Variants in ITGB3BP observed in about 807,000 individuals in gnomAD.
The protein encoded by ITGB3BP is centromere protein R.
In ITGB3BP, 27 loss-of-function variants were observed where a neutral mutation model predicts 29.1. The observed-to-expected ratio is 0.93, with a 90% CI of 0.68 to 1.28. The LOEUF is 1.28. ITGB3BP is among the 50% of genes most tolerant of loss of function. ITGB3BP has a pLI of 0.00. For missense variants in ITGB3BP, 192 were observed against 200.2 expected (o/e 0.96, Z 0.25); for synonymous variants, 61 against 61.4 (o/e 0.99, Z 0.03).
chr1:63,457,058 A>G (rs1179331957), intron 4 of ITGB3BP: 1 of 152,140 alleles, frequency 6.6e-6, no homozygotes, highest in Non-Finnish European at 1.5e-5. Flanking sequence ...ACTAGTAGAC[A>G]TGCCATTGCT....
At position 63,523,111 on chromosome 1, in the gene ITGB3BP, TG is replaced by T. The variant is rs1646499847; in HGVS notation, c.5+17del. ...AGAGGGCCCCCAAAACAGCAATACC[TG>T]GGGAGGAGATACCTACGGCATTCTG... On this transcript the variant is annotated intron_variant, in intron 1 of 8. Coordinates refer to ENST00000271002, the MANE Select transcript of ITGB3BP (RefSeq NM_014288.5). 6.2e-7 allele frequency: 1 copy of T among 1,613,884 alleles called. No individual in the cohort carries two copies.
At chr1:63,473,485 C>A (rs778225647) in intron 4 of ITGB3BP, among the ~76,000 whole-genome samples, 13,845 of 134,408 alleles carry the variant, frequency 0.1, 678 homozygotes, top group Middle Eastern at 0.16. Flanking sequence ...GGGGGTCAGC[C>A]CCCCGCCCGG....
chr1:63,516,761 A>G (rs1327989695), intron 1 of ITGB3BP, among the ~76,000 whole-genome samples: 1 of 151,874 alleles, frequency 6.6e-6, no homozygotes, highest in African/African-American at 2.4e-5. Flanking sequence ...CAAATACCAC[A>G]TGTTCTCATC....
chr1:63,454,326 A>T lies in ITGB3BP; in HGVS notation c.427+54T>A. ...AAGTCTATCAAATGTAAATGAGACA[A>T]ATTAATAGGTTTATCTTTAAAATTA... On this transcript the variant is annotated intron_variant, in intron 6 of 8. Transcript: ENST00000271002. The surrounding 1 kb of genome is among the most constrained non-coding windows in gnomAD (Gnocchi z 4.1). The T allele has an allele frequency of 2.3e-6, 2 of 887,316 alleles. No homozygotes were observed. The highest frequency in any genetic ancestry group is 3.6e-6 in the Non-Finnish European group (2 of 549,734). 55.0% of individuals were successfully genotyped at this position (887,316 alleles called of 1,614,324 possible). A position where few individuals can be genotyped will look rare whatever the true frequency, so the allele number is the denominator to read the frequency against.
intron 7 of ITGB3BP, chr1:63,449,338 T>C (rs1255787716): frequency 6.6e-6 from 1 of 152,526 alleles, no homozygotes; most frequent in East Asian, 1.9e-4. Context: ...CTAATTGCTA[T>C]TAAGTGAGTC....
In ITGB3BP at chr1:63,455,523, C is replaced by A. The variant is rs369718990; in HGVS notation, c.255-555G>T. ...GCAGTGGTGTGATCATGGCTCACTG[C>A]AGCCTCAACCTCCTGGGTTCAATCG... On this transcript the variant is annotated intron_variant, in intron 4 of 8. Coordinates refer to ENST00000271002, the MANE Select transcript of ITGB3BP (RefSeq NM_014288.5). 1.2e-4 allele frequency among the ~76,000 whole-genome samples: 19 copies of A among 152,126 alleles called. No individual in the cohort carries two copies. The East Asian group carries it at 2.9e-3, about 23-fold the overall frequency.
intron 3 of ITGB3BP, among the ~76,000 whole-genome samples, chr1:63,489,408 CA>C (rs34702253): frequency 3.3e-4 from 47 of 141,852 alleles, no homozygotes; most frequent in African/African-American, 7.5e-4. Flanking sequence ...TAACCTTTCT[CA>C]AAAAAAAAAA....
At chr1:63,527,269 T>G (rs1646609614), upstream of ITGB3BP, among the ~76,000 whole-genome samples, 1 of 152,208 alleles carries the variant, frequency 6.6e-6, no homozygotes, top group Non-Finnish European at 1.5e-5. Context: ...TCTGGGAGGA[T>G]AACTATACAG....
intron 4 of ITGB3BP, among the ~76,000 whole-genome samples, chr1:63,460,805 T>C (rs1645003950): frequency 6.6e-6 from 1 of 152,204 alleles, no homozygotes; most frequent in East Asian, 1.9e-4. Context: ...TTTTATTGTT[T>C]GTTTAAATAG....
At chr1:63,470,373 A>C (rs550106894) in intron 4 of ITGB3BP, among the ~76,000 whole-genome samples, 62 of 152,370 alleles carry the variant, frequency 4.1e-4, no homozygotes, top group African/African-American at 1.4e-3. Context: ...AAGGGTACAC[A>C]TAAGTGTACA....
At chr1:63,522,238 A>G (rs776953661) in intron 1 of ITGB3BP, among the ~76,000 whole-genome samples, 2 of 152,252 alleles carry the variant, frequency 1.3e-5, no homozygotes, top group Non-Finnish European at 2.9e-5. Context: ...GATTCAATAA[A>G]TATAGGTTAT....
chr1:63,522,781 C>T (rs1452517292), intron 1 of ITGB3BP, among the ~76,000 whole-genome samples: 5 of 152,120 alleles, frequency 3.3e-5, no homozygotes, highest in South Asian at 2.1e-4. Context: ...TTAATGAAGG[C>T]AAGGGACTGA....
At chr1:63,475,263 C>G (rs1645315394) in intron 4 of ITGB3BP, among the ~76,000 whole-genome samples, 1 of 152,188 alleles carries the variant, frequency 6.6e-6, no homozygotes, top group Non-Finnish European at 1.5e-5. Flanking sequence ...AGGCATGAAC[C>G]ACCATGCCTG....
chr1:63,453,033 AG>A (rs1332895472), intron 7 of ITGB3BP, among the ~76,000 whole-genome samples: 1 of 152,218 alleles, frequency 6.6e-6, no homozygotes, highest in Admixed American at 6.5e-5. Flanking sequence ...AGAGTTTTTG[AG>A]GCCAGACTGG....
chr1:63,522,931 AAGG>A (rs765578356), intron 1 of ITGB3BP, 195 bp downstream of exon 1: 6 of 768,972 alleles, frequency 7.8e-6, no homozygotes, highest in South Asian at 2.7e-5. Context: ...ACAGAAAGCG[AAGG>A]AGGACTATCG....
At chr1:63,474,944 T>G (rs941812830) in intron 4 of ITGB3BP, among the ~76,000 whole-genome samples, 1 of 150,968 alleles carries the variant, frequency 6.6e-6, no homozygotes, top group African/African-American at 2.4e-5. Context: ...AAACAAAAAC[T>G]GATCCACAAA....
intron 4 of ITGB3BP, among the ~76,000 whole-genome samples, chr1:63,473,905 C>T (rs1645269728): frequency 7.6e-5 from 2 of 26,248 alleles, no homozygotes; most frequent in African/African-American, 2.7e-4. Flanking sequence ...CCAGCCACCC[C>T]GTCCGGGAGG....
At chr1:63,476,531 T>C (rs991780622) in intron 4 of ITGB3BP, among the ~76,000 whole-genome samples, 1 of 152,220 alleles carries the variant, frequency 6.6e-6, no homozygotes, top group Non-Finnish European at 1.5e-5. Flanking sequence ...ATGTGACTCA[T>C]AACAATGATT....
chr1:63,497,516 CAG>C (rs995686401), intron 2 of ITGB3BP, among the ~76,000 whole-genome samples: 31 of 152,092 alleles, frequency 2.0e-4, no homozygotes, highest in Non-Finnish European at 4.4e-4. Flanking sequence ...TTTGTTCAAA[CAG>C]GGCAAATAGA....
Sources: gnomAD v4.1 joint callset for allele counts (sites outside exome capture counted in the v4.1 genomes callset) on GRCh38, gnomAD v4.1.1 for gene constraint, Gnocchi (gnomAD v3.1) non-coding constraint, MANE v1.5 for transcripts, NCBI Gene and HGNC (gene_info 2026-07-23, HGNC 2026-07-21) for gene names.